The following RELCH variants were observed in gnomAD, a reference collection of about 807,000 sequenced individuals.
The protein encoded by RELCH is RAB11 binding and LisH domain, coiled-coil and HEAT repeat containing, also known as RAB11-binding protein RELCH.
Under a neutral mutation model 150.3 loss-of-function variants are expected in RELCH, and 41 were observed. The observed-to-expected ratio is 0.27, with a 90% CI of 0.21 to 0.35. The LOEUF (loss-of-function observed/expected upper bound fraction) is 0.35. RELCH is among the 10% of genes least tolerant of loss of function. RELCH has a pLI of 1.00. For synonymous variants in RELCH, 478 were observed against 531.8 expected, an observed-to-expected ratio of 0.90 and a Z score of 1.39; for missense variants, 1,092 against 1,467.8, an observed-to-expected ratio of 0.74 and a Z score of 4.18.
rs142867268 is a variant in RELCH at position 62,224,620 on chromosome 18, C to G, written c.859-2669C>G. Reference sequence around the variant, plus strand: ...AAAACCTATCATATGTTAGCAACAACCAATTGGAAATCAAATTTTTAAAAT... The same window carrying G: ...AAAACCTATCATATGTTAGCAACAAGCAATTGGAAATCAAATTTTTAAAAT... On this transcript the variant is annotated intron_variant, in intron 5 of 28. Transcript: ENST00000644646. Among the ~76,000 whole-genome samples, 314 of 151,842 alleles carry G rather than the reference C, an allele frequency of 2.1e-3. 4 individuals carry two copies. Among genetic ancestry groups the G allele is most frequent in the African/African-American group, 7.3e-3 (304 of 41,412 alleles).
chr18:62,216,401 G>C (rs2040479614), intron 2 of RELCH, among the ~76,000 whole-genome samples: 1 of 152,044 alleles, frequency 6.6e-6, no homozygotes, highest in Non-Finnish European at 1.5e-5. Flanking sequence ...CCATCTTTTA[G>C]CATCAGATAT....
intron 2 of RELCH, among the ~76,000 whole-genome samples, chr18:62,218,909 A>G (rs1281575873): frequency 6.6e-6 from 1 of 152,000 alleles, no homozygotes; most frequent in Non-Finnish European, 1.5e-5. Context: ...TCTAATGCTA[A>G]TAAAGAAGAT....
intron 1 of RELCH, among the ~76,000 whole-genome samples, chr18:62,192,083 C>G (rs1309054726): frequency 6.6e-6 from 1 of 152,198 alleles, no homozygotes; most frequent in Non-Finnish European, 1.5e-5. Context: ...TTAATAATCA[C>G]CATTCTGACT....
In RELCH at chr18:62,307,209, G is replaced by A. The variant is rs1600323065; in HGVS notation, c.*1675G>A. 1.3e-5 allele frequency: 2 copies of A among 151,928 alleles called. No individual in the cohort carries two copies. Among genetic ancestry groups the A allele is most frequent in the Non-Finnish European group, 2.9e-5 (2 of 67,956 alleles). 9.4% of individuals were successfully genotyped at this position (151,928 alleles called of 1,614,324 possible). A position where few individuals can be genotyped will look rare whatever the true frequency, so the allele number is the denominator to read the frequency against. On this transcript the variant is annotated 3_prime_UTR_variant, in exon 29 of 29. Coordinates refer to ENST00000644646, the MANE Select transcript of RELCH (RefSeq NM_001346231.2). Reference sequence around the variant, plus strand: ...AAATGAGAAAAGCCTATATTCATGAGAATATACTAATATTTTGTAAATATA... The same window carrying A: ...AAATGAGAAAAGCCTATATTCATGAAAATATACTAATATTTTGTAAATATA...
intron 22 of RELCH, chr18:62,277,903 G>A (rs2044299781): frequency 6.5e-6 from 6 of 918,630 alleles, no homozygotes; most frequent in Non-Finnish European, 7.8e-6. Flanking sequence ...TAACATTAGA[G>A]CACAACTCAA....
intron 2 of RELCH, among the ~76,000 whole-genome samples, chr18:62,216,212 A>C (rs2040467678): frequency 6.6e-6 from 1 of 152,070 alleles, no homozygotes; most frequent in Non-Finnish European, 1.5e-5. Flanking sequence ...CGTGTTAGGT[A>C]CTATGTGTTA....
chr18:62,250,568 A>G (rs1232689332), intron 11 of RELCH, among the ~76,000 whole-genome samples: 1 of 152,210 alleles, frequency 6.6e-6, no homozygotes, highest in Non-Finnish European at 1.5e-5. Context: ...GCAAAAGAAA[A>G]GTTGAGAAGT....
At chr18:62,270,357 G>T (rs2043825713) in intron 20 of RELCH, among the ~76,000 whole-genome samples, 2 of 152,068 alleles carry the variant, frequency 1.3e-5, no homozygotes, top group Admixed American at 6.6e-5. Context: ...GTGGTTCAGT[G>T]GTGGCCACCA....
At chr18:62,262,253 C>T (rs1357170606) in intron 16 of RELCH, among the ~76,000 whole-genome samples, 1 of 151,952 alleles carries the variant, frequency 6.6e-6, no homozygotes, top group Non-Finnish European at 1.5e-5. Flanking sequence ...AGTAAATGAC[C>T]TTTGAAACTT....
At chr18:62,212,684 A>C (rs1423066467) in intron 2 of RELCH, among the ~76,000 whole-genome samples, 3 of 152,196 alleles carry the variant, frequency 2.0e-5, no homozygotes, top group African/African-American at 7.2e-5. Context: ...CAGGATATTG[A>C]GGCTCTGAGA....
rs1449846182 is a variant in RELCH, at chr18:62,309,409, A to G, written c.*3875A>G. 1.3e-5 allele frequency: 2 copies of G among 152,136 alleles called. No homozygotes were observed. The highest frequency in any genetic ancestry group is 1.3e-4 in the Admixed American group (2 of 15,268). The allele number at this position is 152,136 out of a possible 1,614,324, so 9.4% of individuals were successfully genotyped here. The stretch of plus-strand genomic sequence containing the variant: ...TGTGATCACAGTCTCCAAGTGGCAC[A>G]TCTCATCATTCATATTTTCTCTTCA... On this transcript the variant is annotated 3_prime_UTR_variant, in exon 29 of 29. Transcript: ENST00000644646.
At position 62,306,925 on chromosome 18, in the gene RELCH, A is replaced by G. The variant is rs2045896535; in HGVS notation, c.*1391A>G. ...CTTACCATACATTCAAGTTTATAAA[A>G]CAATTTGCCATAGGCAAAGCCATTT... is the stretch of plus-strand genomic sequence containing the variant. On this transcript the variant is annotated 3_prime_UTR_variant, in exon 29 of 29. Coordinates refer to ENST00000644646, the MANE Select transcript of RELCH (RefSeq NM_001346231.2). 1 of 152,662 alleles carries G rather than the reference A, an allele frequency of 6.6e-6. No homozygotes were observed. Among genetic ancestry groups the G allele is most frequent in the African/African-American group, 2.4e-5 (1 of 41,464 alleles). The allele number at this position is 152,662 out of a possible 1,614,324, so 9.5% of individuals were successfully genotyped here.
intron 28 of RELCH, 45 bp downstream of exon 28, chr18:62,298,905 T>G (rs775989356): frequency 9.3e-7 from 1 of 1,074,630 alleles, no homozygotes; most frequent in African/African-American, 1.6e-5. Context: ...TAACTTTAAT[T>G]TTTCTATCTA....
chr18:62,257,520 G>A (rs1421117859), intron 13 of RELCH, among the ~76,000 whole-genome samples: 1 of 152,038 alleles, frequency 6.6e-6, no homozygotes, highest in Non-Finnish European at 1.5e-5. Flanking sequence ...TTCTCTGAGT[G>A]AAACAAATAG....
At chr18:62,235,914 C>G (rs2041855398) in intron 10 of RELCH, among the ~76,000 whole-genome samples, 1 of 151,936 alleles carries the variant, frequency 6.6e-6, no homozygotes, top group Admixed American at 6.6e-5. Flanking sequence ...GATAGTTTTG[C>G]TTCTTCTTTA....
At chr18:62,223,673 T>G (rs1658835731) in intron 5 of RELCH, among the ~76,000 whole-genome samples, 1 of 152,074 alleles carries the variant, frequency 6.6e-6, no homozygotes, top group Admixed American at 6.6e-5. Context: ...ATATAGAAAT[T>G]ATACATAACA....
rs776440238 is a variant in RELCH at position 62,211,233 on chromosome 18, A to G, written c.607A>G (p.Lys203Glu). 1.1e-5 allele frequency: 18 copies of G among 1,599,368 alleles called. No individual in the cohort carries two copies. The highest frequency in any genetic ancestry group is 1.5e-5 in the Non-Finnish European group (18 of 1,167,410). The change falls in exon 2 of 29, where the codon AAA (lysine) becomes GAA (glutamate). Residue 203 changes from lysine (K) to glutamate (E), a missense_variant. Physicochemically the swap from Lys to Glu is moderately conservative, Grantham distance 56 (BLOSUM62 1). Around this residue, in one of 4 missense-constraint regions of RELCH, gnomAD observed 190 missense variants for 276.2 expected, o/e 0.69. Coordinates refer to ENST00000644646, the MANE Select transcript of RELCH (RefSeq NM_001346231.2). ...SDDGNRETDE[K>E]VAVLEFELRK... ...TGATGGTAACAGGGAAACAGATGAAAAAGTGGCAGGTGAGTAAAATTGTAA... is the reference window on the plus strand; with the variant it reads ...TGATGGTAACAGGGAAACAGATGAAGAAGTGGCAGGTGAGTAAAATTGTAA...
rs2980986 is a variant in RELCH, at chr18:62,309,008, G to A, written c.*3474G>A. On this transcript the variant is annotated 3_prime_UTR_variant, in exon 29 of 29. Coordinates refer to ENST00000644646, the MANE Select transcript of RELCH (RefSeq NM_001346231.2). The stretch of plus-strand genomic sequence containing the variant: ...TAATACCAGCACTTTGGGAGGCTGA[G>A]GCGGGAAGATCACTTGAGGCCGGGA... 110,056 of 151,922 alleles carry A rather than the reference G, an allele frequency of 0.72. 40,184 individuals carry two copies. Among genetic ancestry groups the A allele is most frequent in the East Asian group, 0.9 (4,626 of 5,158 alleles). 9.4% of individuals were successfully genotyped at this position (151,922 alleles called of 1,614,324 possible).
At chr18:62,209,356 G>A (rs1490158196) in intron 1 of RELCH, among the ~76,000 whole-genome samples, 1 of 152,114 alleles carries the variant, frequency 6.6e-6, no homozygotes, top group Non-Finnish European at 1.5e-5. Flanking sequence ...TTTACATGTA[G>A]ATATACAGTT....
Sources: allele counts gnomAD v4.1 joint callset (sites outside exome capture counted in the v4.1 genomes callset), GRCh38; gene constraint gnomAD v4.1.1; regional missense constraint gnomAD v4.1.1; transcripts MANE v1.5; gene names NCBI Gene and HGNC (gene_info 2026-07-23, HGNC 2026-07-21).